SHTN1: variants seen among roughly 807,000 people sequenced by gnomAD.
The protein encoded by SHTN1 is shootin-1.
In SHTN1, 42 loss-of-function variants were observed where a neutral mutation model predicts 83.1. The ratio of observed to expected loss-of-function variants is 0.51; its 90% CI spans 0.39 to 0.65. The LOEUF is 0.65. Among genes scored for constraint, SHTN1 ranks in the 30% least tolerant of loss-of-function variants. The pLI, the probability that SHTN1 is intolerant of heterozygous loss-of-function variation, is 0.00. For synonymous variants in SHTN1, 224 were observed against 247.7 expected (o/e 0.90, Z 0.90); for missense variants, 622 against 737.8 (o/e 0.84, Z 1.82).
At chr10:117,088,414 T>G (rs767046291) in intron 1 of SHTN1, among the ~76,000 whole-genome samples, 10 of 152,218 alleles carry the variant, frequency 6.6e-5, no homozygotes, top group Non-Finnish European at 7.3e-5. Flanking sequence ...CTTTTTGAAT[T>G]ATACCTTCTA....
chr10:116,933,684 G>T (rs1306655970), intron 9 of SHTN1, among the ~76,000 whole-genome samples: 1 of 152,180 alleles, frequency 6.6e-6, no homozygotes. Context: ...TATATACCCA[G>T]TAATGGGATT....
In SHTN1 at chr10:116,922,650, A is replaced by G. The variant is rs573692304; in HGVS notation, c.1113-1134T>C. On this transcript the variant is annotated intron_variant, in intron 11 of 16. Transcript: ENST00000355371. Reference sequence around the variant, plus strand: ...AATATGAATAGACTTAAGCTACACAACATGGATGAATCTTACAAAATAATA... The same window carrying G: ...AATATGAATAGACTTAAGCTACACAGCATGGATGAATCTTACAAAATAATA... Among the ~76,000 whole-genome samples the G allele has an allele frequency of 7.4e-4, 112 of 152,280 alleles. 2 individuals carry two copies. In the South Asian group the frequency reaches 0.022, roughly 30 times the overall value.
At chr10:117,032,113 T>C (rs774798772) in intron 2 of SHTN1, among the ~76,000 whole-genome samples, 1 of 152,114 alleles carries the variant, frequency 6.6e-6, no homozygotes, top group Non-Finnish European at 1.5e-5. Flanking sequence ...ACTTACATCA[T>C]GCAAAATAGA....
intron 3 of SHTN1, among the ~76,000 whole-genome samples, chr10:116,960,902 T>C (rs964493630): frequency 6.6e-6 from 1 of 152,222 alleles, no homozygotes; most frequent in Non-Finnish European, 1.5e-5. Context: ...TTACTTGATA[T>C]GTCACCAATG....
chr10:116,886,377 T>G lies in SHTN1; in HGVS notation c.1863A>C (p.Glu621Asp). ...IQPENKEDSI[E>D]NVRETDSSNC Reference sequence around the variant, plus strand: ...TGGAGCTGTCTGTCTCTCTCACGTTTTCAATGCTGTCTTCTTTGTTTTCTG... The same window carrying G: ...TGGAGCTGTCTGTCTCTCTCACGTTGTCAATGCTGTCTTCTTTGTTTTCTG... The change falls in exon 17 of 17, where the codon GAA becomes GAC. Residue 621 changes from glutamate (E) to aspartate (D), a missense_variant. By Grantham distance (45) the Glu-to-Asp change is conservative. Transcript: ENST00000355371. 1.9e-6 allele frequency: 3 copies of G among 1,560,144 alleles called. No homozygotes were observed. Among genetic ancestry groups the G allele is most frequent in the Non-Finnish European group, 2.6e-6 (3 of 1,150,650 alleles).
chr10:116,996,663 TTAAG>T (rs763824258), intron 1 of SHTN1, among the ~76,000 whole-genome samples: 8 of 152,198 alleles, frequency 5.3e-5, no homozygotes, highest in African/African-American at 1.4e-4. Context: ...ATGTCTCTTA[TTAAG>T]TATTTGTATG....
intron 2 of SHTN1, among the ~76,000 whole-genome samples, chr10:117,024,554 CTGTA>C (rs2133566998): frequency 3.3e-5 from 5 of 151,934 alleles, no homozygotes; most frequent in Admixed American, 3.3e-4. Flanking sequence ...CGGGGTTTCA[CTGTA>C]TTTGTTAGCC....
chr10:116,957,812 C>G (rs1236020971), intron 4 of SHTN1, among the ~76,000 whole-genome samples: 2 of 152,204 alleles, frequency 1.3e-5, no homozygotes, highest in East Asian at 3.9e-4. Context: ...GTAATCCCAG[C>G]ACTTTGGGAG....
chr10:116,896,801 CTT>C (rs1230730641), intron 16 of SHTN1, among the ~76,000 whole-genome samples: 18 of 121,678 alleles, frequency 1.5e-4, no homozygotes, highest in Admixed American at 1.7e-4. Context: ...TGATCAGGTA[CTT>C]TTTTTTTTTT....
chr10:117,082,600 T>C (rs1215563533), intron 1 of SHTN1, among the ~76,000 whole-genome samples: 2 of 152,048 alleles, frequency 1.3e-5, no homozygotes, highest in Non-Finnish European at 2.9e-5. Context: ...TTGTTGAATT[T>C]CTGTCTCATT....
chr10:116,913,516 C>T lies in SHTN1; in HGVS notation c.1306-1673G>A, dbSNP rs1383886947. Among the ~76,000 whole-genome samples, 5 of 152,278 alleles carry T rather than the reference C, an allele frequency of 3.3e-5. No individual in the cohort carries two copies. In the East Asian group the frequency reaches 9.6e-4, roughly 29 times the overall value. ...GGAAGTCATGGGAAGAAAGAAAAAGCACAAAGTGATATTCTGAAAACGAAA... is the reference window on the plus strand; with the variant it reads ...GGAAGTCATGGGAAGAAAGAAAAAGTACAAAGTGATATTCTGAAAACGAAA... On this transcript the variant is annotated intron_variant, in intron 13 of 16. Coordinates refer to ENST00000355371, the MANE Select transcript of SHTN1 (RefSeq NM_001127211.3).
rs192609984 is a variant in SHTN1, at chr10:117,035,394, T to C, written c.-123+13051A>G. Among the ~76,000 whole-genome samples, 426 of 152,154 alleles carry C rather than the reference T, an allele frequency of 2.8e-3. 6 individuals carry two copies. The highest frequency in any genetic ancestry group is 3.4e-3 in the Non-Finnish European group (234 of 67,998). On this transcript the variant is annotated intron_variant, in intron 2 of 17. Coordinates refer to the SHTN1 transcript ENST00000392901. ...AACTGTGAAACTGACAAAAGAAACATTGGGGAAACTCTCTAGGACACTGGT... is the reference window on the plus strand; with the variant it reads ...AACTGTGAAACTGACAAAAGAAACACTGGGGAAACTCTCTAGGACACTGGT...
In SHTN1 at chr10:116,937,085, AGCACACCGATGG is replaced by A. The variant is rs200395369; in HGVS notation, c.858+3369_858+3380del. The stretch of plus-strand genomic sequence containing the variant: ...CACGTGAGATGGGTCTCCTGAATAC[AGCACACCGATGG>A]GTCTTGACTCTTTATCCAATTTGCC... On this transcript the variant is annotated intron_variant, in intron 9 of 16. Coordinates refer to ENST00000355371, the MANE Select transcript of SHTN1 (RefSeq NM_001127211.3). Among the ~76,000 whole-genome samples the A allele has an allele frequency of 7.1e-3, 1,081 of 152,236 alleles. 16 individuals carry two copies. Among genetic ancestry groups the A allele is most frequent in the African/African-American group, 0.025 (1,044 of 41,522 alleles).
chr10:117,005,658 A>C, upstream of SHTN1: 1 of 872,746 alleles, frequency 1.1e-6, no homozygotes, highest in Non-Finnish European at 1.4e-6. Context: ...AGCTGCCCAC[A>C]GGGGCGGGCC....
Position 117,073,206 on chromosome 10 carries a change from G to A in SHTN1, c.-188-24696C>T, listed in dbSNP as rs906126946. 3.9e-5 allele frequency among the ~76,000 whole-genome samples: 6 copies of A among 152,176 alleles called. 1 individual carries two copies. Among genetic ancestry groups the A allele is most frequent in the Admixed American group, 3.3e-4 (5 of 15,276 alleles). On this transcript the variant is annotated intron_variant, in intron 1 of 17. Transcript: ENST00000392901. The stretch of plus-strand genomic sequence containing the variant: ...AATACAAAGGCTCCAAGAAATTTGG[G>A]ATTATGTTAAACGACCAAACCTAAG...
intron 1 of SHTN1, among the ~76,000 whole-genome samples, chr10:117,101,731 T>C (rs1167844494): frequency 1.3e-5 from 2 of 152,102 alleles, no homozygotes; most frequent in Non-Finnish European, 2.9e-5. Flanking sequence ...AAAGAAAGAA[T>C]AGCCTGTTCC....
At chr10:116,977,873 TA>T (rs896208669) in intron 2 of SHTN1, among the ~76,000 whole-genome samples, 43 of 152,112 alleles carry the variant, frequency 2.8e-4, no homozygotes, top group African/African-American at 1.0e-3. Flanking sequence ...ATGGGGGTCT[TA>T]CTATGTTGTC....
chr10:116,960,031 A>G, intron 4 of SHTN1, 105 bp downstream of exon 4: 1 of 648,610 alleles, frequency 1.5e-6, no homozygotes, highest in Non-Finnish European at 2.7e-6. Flanking sequence ...CAGAGTAGAT[A>G]ATCGATTAGA....
intron 1 of SHTN1, among the ~76,000 whole-genome samples, chr10:117,110,345 GTTTTGTTTTTGT>G (rs1002705640): frequency 6.6e-6 from 1 of 151,884 alleles, no homozygotes; most frequent in African/African-American, 2.4e-5. Context: ...GTTTTGTTTT[GTTTTGTTTTTGT>G]TTTTGTTTTT....
Sources: gnomAD v4.1 joint callset for allele counts (sites outside exome capture counted in the v4.1 genomes callset) on GRCh38, gnomAD v4.1.1 for gene constraint, MANE v1.5 for transcripts, NCBI Gene and HGNC (gene_info 2026-07-23, HGNC 2026-07-21) for gene names.